The following NUFIP1 variants were observed in gnomAD, a reference collection of about 807,000 sequenced individuals.
NUFIP1 encodes the protein FMR1-interacting protein NUFIP1.
In NUFIP1, 38 loss-of-function variants were observed where a neutral mutation model predicts 56.2. That is an observed-to-expected ratio of 0.68 (90% CI 0.52 to 0.89). The LOEUF (loss-of-function observed/expected upper bound fraction) is 0.89. Among genes scored for constraint, NUFIP1 ranks in the 40% least tolerant of loss-of-function variants. NUFIP1 has a pLI of 0.00. For synonymous variants in NUFIP1, 215 were observed against 212.4 expected, an observed-to-expected ratio of 1.01 and a Z score of -0.10; for missense variants, 567 against 605.8, an observed-to-expected ratio of 0.94 and a Z score of 0.67.
At chr13:44,966,316 T>G in intron 5 of NUFIP1, among the ~76,000 whole-genome samples, 1 of 152,152 alleles carries the variant, frequency 6.6e-6, no homozygotes, top group East Asian at 1.9e-4. Flanking sequence ...TTCCTTCTTA[T>G]TTATTTATTT....
intron 5 of NUFIP1, among the ~76,000 whole-genome samples, chr13:44,972,695 A>AAT (rs1163669950): frequency 6.6e-6 from 1 of 152,232 alleles, no homozygotes; most frequent in Non-Finnish European, 1.5e-5. Flanking sequence ...TTGAAAAACA[A>AAT]ATAGACGGCC....
chr13:44,941,606 C>T (rs564504783), intron 9 of NUFIP1, among the ~76,000 whole-genome samples: 3 of 152,278 alleles, frequency 2.0e-5, no homozygotes, highest in East Asian at 1.9e-4. Context: ...CTCCGCCTCC[C>T]GGGTTCACGC....
intron 5 of NUFIP1, among the ~76,000 whole-genome samples, chr13:44,978,548 C>A: frequency 6.6e-6 from 1 of 152,188 alleles, no homozygotes; most frequent in East Asian, 1.9e-4. Context: ...TATATTACAG[C>A]TAGACATCAA....
intron 7 of NUFIP1, among the ~76,000 whole-genome samples, chr13:44,956,141 CAAAA>C (rs371458350): frequency 9.8e-5 from 6 of 61,472 alleles, no homozygotes; most frequent in Admixed American, 3.5e-4. Flanking sequence ...GACTCCGTCT[CAAAA>C]AAAAAAAAAA....
Position 44,968,892 on chromosome 13 carries a change from T to C in NUFIP1, c.735-2956A>G, listed in dbSNP as rs1871708712. 2.6e-5 allele frequency among the ~76,000 whole-genome samples: 4 copies of C among 152,098 alleles called. No individual in the cohort carries two copies. The South Asian group carries it at 8.3e-4, about 32-fold the overall frequency. On this transcript the variant is annotated intron_variant, in intron 5 of 9. Coordinates refer to ENST00000379161, the MANE Select transcript of NUFIP1 (RefSeq NM_012345.3). ...ATTTTAGGTAAGATATAAGAAAGAG[T>C]TCCCTAAGTGAAACATCAAAGATGT...
chr13:44,957,574 G>C (rs949288799), intron 7 of NUFIP1, among the ~76,000 whole-genome samples: 7 of 152,196 alleles, frequency 4.6e-5, no homozygotes, highest in African/African-American at 1.7e-4. Flanking sequence ...ATAAGGATGA[G>C]AGGATTTACC....
intron 5 of NUFIP1, among the ~76,000 whole-genome samples, chr13:44,966,977 C>CATAAATAA (rs202226545): frequency 3.3e-5 from 5 of 149,832 alleles, no homozygotes; most frequent in African/African-American, 1.2e-4. Context: ...CCCCTCAAAA[C>CATAAATAA]ATAAATAAAT....
Position 44,969,612 on chromosome 13 carries a change from T to C in NUFIP1, c.735-3676A>G, listed in dbSNP as rs565750923. ...CTTTCCTCAGTTCACTAAGAGGAAA[T>C]GGTCCTGAAACTATGCTCTTTTCCT... is the stretch of plus-strand genomic sequence containing the variant. On this transcript the variant is annotated intron_variant, in intron 5 of 9. Coordinates refer to ENST00000379161, the MANE Select transcript of NUFIP1 (RefSeq NM_012345.3). Among the ~76,000 whole-genome samples the C allele has an allele frequency of 9.7e-4, 147 of 152,304 alleles. 1 individual carries two copies. In the Middle Eastern group the frequency reaches 0.014, roughly 14 times the overall value.
intron 3 of NUFIP1, 152 bp from the exon 4 acceptor site, chr13:44,980,104 CA>C: frequency 1.9e-6 from 1 of 530,212 alleles, no homozygotes; most frequent in Non-Finnish European, 3.3e-6. Context: ...GACTCCAAAA[CA>C]GGGCTGCCTT....
rs761918875 is a variant in NUFIP1 at position 44,940,566 on chromosome 13, T to C, written c.*640A>G. 5 of 152,372 alleles carry C rather than the reference T, an allele frequency of 3.3e-5. No homozygotes were observed. The East Asian group carries it at 9.6e-4, about 29-fold the overall frequency. 9.4% of individuals were successfully genotyped at this position (152,372 alleles called of 1,614,324 possible). On this transcript the variant is annotated 3_prime_UTR_variant, in exon 10 of 10. Transcript: ENST00000379161. ...AGATCTCAATAGCTTTCATTTACTTTACAATTTTTAAAAAGCTTCAATTAA... is the reference window on the plus strand; with the variant it reads ...AGATCTCAATAGCTTTCATTTACTTCACAATTTTTAAAAAGCTTCAATTAA...
chr13:44,941,199 C>G lies in NUFIP1; in HGVS notation c.*7G>C, dbSNP rs1259618574. On this transcript the variant is annotated 3_prime_UTR_variant, in exon 10 of 10. Coordinates refer to ENST00000379161, the MANE Select transcript of NUFIP1 (RefSeq NM_012345.3). ...GCTTCAGTTATGTATGCTGAAACAC[C>G]AGATGCCTATACATCTTTACTTTTC... 2.1e-6 allele frequency: 3 copies of G among 1,398,882 alleles called. No individual in the cohort carries two copies. Among genetic ancestry groups the G allele is most frequent in the Admixed American group, 1.8e-5 (1 of 56,520 alleles). 86.7% of individuals were successfully genotyped at this position (1,398,882 alleles called of 1,614,324 possible).
intron 6 of NUFIP1, among the ~76,000 whole-genome samples, chr13:44,961,058 A>G (rs573853438): frequency 6.7e-6 from 1 of 150,162 alleles, no homozygotes; most frequent in South Asian, 2.2e-4. Flanking sequence ...TCCAGAAAAA[A>G]AAAAAAAAAA....
chr13:44,960,926 G>A (rs1376183325), intron 6 of NUFIP1, among the ~76,000 whole-genome samples: 1 of 152,026 alleles, frequency 6.6e-6, no homozygotes, highest in Non-Finnish European at 1.5e-5. Context: ...GGTAGCAGGT[G>A]CCTGTAGTCC....
At chr13:44,963,521 T>C (rs1871495649) in intron 6 of NUFIP1, among the ~76,000 whole-genome samples, 1 of 152,222 alleles carries the variant, frequency 6.6e-6, no homozygotes, top group Non-Finnish European at 1.5e-5. Context: ...AGAGTATTGA[T>C]AGATATCCTT....
intron 5 of NUFIP1, among the ~76,000 whole-genome samples, chr13:44,977,340 G>A (rs1299144034): frequency 1.3e-5 from 2 of 152,224 alleles, no homozygotes; most frequent in Non-Finnish European, 2.9e-5. Flanking sequence ...ATGCTTTAGG[G>A]TAGTGTGTTT....
At chr13:44,964,988 C>T (rs1871549017) in intron 6 of NUFIP1, among the ~76,000 whole-genome samples, 1 of 152,166 alleles carries the variant, frequency 6.6e-6, no homozygotes, top group South Asian at 2.1e-4. Flanking sequence ...TATAGAAACA[C>T]AAAAATATAC....
intron 5 of NUFIP1, among the ~76,000 whole-genome samples, chr13:44,977,154 C>T (rs1162371607): frequency 6.6e-6 from 1 of 152,250 alleles, no homozygotes; most frequent in East Asian, 1.9e-4. Context: ...TCCCACACTA[C>T]ACTGTTTAAG....
intron 1 of NUFIP1, among the ~76,000 whole-genome samples, chr13:44,985,705 T>C (rs916429855): frequency 6.6e-6 from 1 of 152,198 alleles, no homozygotes; most frequent in African/African-American, 2.4e-5. Context: ...AAATGCTGTG[T>C]ATGTTCTAAC....
intron 1 of NUFIP1, among the ~76,000 whole-genome samples, chr13:44,983,826 G>A (rs369143294): frequency 4.2e-4 from 64 of 152,130 alleles, no homozygotes; most frequent in African/African-American, 1.5e-3. Context: ...GGATGAGTTT[G>A]ACCTTCTCTC....
Sources: gnomAD v4.1 joint callset for allele counts (sites outside exome capture counted in the v4.1 genomes callset) on GRCh38, gnomAD v4.1.1 for gene constraint, MANE v1.5 for transcripts, NCBI Gene and HGNC (gene_info 2026-07-23, HGNC 2026-07-21) for gene names.